Variants in FGF12 observed in about 807,000 individuals in gnomAD.
FGF12 encodes the protein fibroblast growth factor 12B.
Under a neutral mutation model 23.6 loss-of-function variants are expected in FGF12, and 14 were observed. The observed-to-expected ratio is 0.59, with a 90% CI of 0.39 to 0.93. FGF12 has a LOEUF of 0.93. Ranked by LOEUF, FGF12 falls within the 40% of genes least tolerant of loss-of-function variation. The probability of loss-of-function intolerance (pLI) is 0.00; values close to 1 mark genes in which losing one functional copy is unlikely to be tolerated. For synonymous variants in FGF12, 62 were observed against 77.3 expected (o/e 0.80, Z 1.04); for missense variants, 175 against 217.8 (o/e 0.80, Z 1.24).
chr3:192,279,710 A>G (rs768282012), intron 4 of FGF12, among the ~76,000 whole-genome samples: 40 of 152,298 alleles, frequency 2.6e-4, no homozygotes, highest in Non-Finnish European at 5.3e-4. Flanking sequence ...ACAATAAAAC[A>G]AAAGTTAAAA....
At chr3:192,325,490 TTCTC>T (rs147933643) in intron 4 of FGF12, among the ~76,000 whole-genome samples, 9 of 151,644 alleles carry the variant, frequency 5.9e-5, no homozygotes, top group Admixed American at 2.0e-4. Context: ...AGGTTCTTGT[TTCTC>T]TCTCTCTCTC....
chr3:192,407,312 A>C (rs547111847), intron 2 of FGF12, among the ~76,000 whole-genome samples: 24 of 152,332 alleles, frequency 1.6e-4, no homozygotes, highest in African/African-American at 5.1e-4. Flanking sequence ...ATGTCTCAAA[A>C]GTGTGAGTGT....
intron 2 of FGF12, among the ~76,000 whole-genome samples, chr3:192,388,243 A>G (rs2177815): frequency 0.56 from 85,688 of 151,964 alleles, 25,385 homozygotes; most frequent in African/African-American, 0.76. Context: ...CAGCCTGGGC[A>G]ACAAAGCAAG....
At chr3:192,404,824 G>C (rs1720898625) in intron 2 of FGF12, among the ~76,000 whole-genome samples, 1 of 152,078 alleles carries the variant, frequency 6.6e-6, no homozygotes, top group Non-Finnish European at 1.5e-5. Context: ...GCTATACGGT[G>C]GTCATTGCTG....
intron 3 of FGF12, among the ~76,000 whole-genome samples, chr3:192,359,662 C>T (rs1718630795): frequency 6.6e-6 from 1 of 152,098 alleles, no homozygotes; most frequent in East Asian, 1.9e-4. Flanking sequence ...TTTTTCTAGA[C>T]TGCAAATTCA....
chr3:192,170,036 A>G (rs1330483497), intron 5 of FGF12, among the ~76,000 whole-genome samples: 2 of 146,400 alleles, frequency 1.4e-5, no homozygotes, highest in Admixed American at 7.0e-5. Context: ...GAAACTGCAT[A>G]CTAGATAGTA....
At chr3:192,193,468 C>A (rs1158025272) in intron 4 of FGF12, among the ~76,000 whole-genome samples, 1 of 152,174 alleles carries the variant, frequency 6.6e-6, no homozygotes, top group Non-Finnish European at 1.5e-5. Flanking sequence ...ATCCAAGTTT[C>A]TTTTCCTTTT....
intron 4 of FGF12, among the ~76,000 whole-genome samples, chr3:192,319,430 C>T (rs541279078): frequency 2.0e-5 from 3 of 152,088 alleles, no homozygotes; most frequent in South Asian, 4.1e-4. Context: ...AACTTCGCCT[C>T]TACTAAAAAT....
chr3:192,446,263 T>C (rs1576987432), intron 2 of FGF12, among the ~76,000 whole-genome samples: 1 of 152,228 alleles, frequency 6.6e-6, no homozygotes, highest in African/African-American at 2.4e-5. Context: ...CTAAACTATA[T>C]GGCTGTATAC....
At chr3:192,314,992 G>C (rs1245310862) in intron 4 of FGF12, among the ~76,000 whole-genome samples, 1 of 152,176 alleles carries the variant, frequency 6.6e-6, no homozygotes, top group East Asian at 1.9e-4. Context: ...CCAGGACATA[G>C]AGTTACCCCA....
At chr3:192,313,602 A>G (rs913616221) in intron 4 of FGF12, among the ~76,000 whole-genome samples, 2 of 152,220 alleles carry the variant, frequency 1.3e-5, no homozygotes, top group African/African-American at 4.8e-5. Flanking sequence ...GTTCTAATTT[A>G]TTTAGACCTG....
intron 3 of FGF12, among the ~76,000 whole-genome samples, chr3:192,349,504 G>A (rs1718111218): frequency 6.6e-6 from 1 of 151,862 alleles, no homozygotes; most frequent in South Asian, 2.1e-4. Context: ...GCCCTTAGAT[G>A]AATAATAAAA....
intron 2 of FGF12, among the ~76,000 whole-genome samples, chr3:192,695,434 C>A (rs563985562): frequency 3.3e-5 from 5 of 152,146 alleles, no homozygotes; most frequent in African/African-American, 1.2e-4. Flanking sequence ...TTTGCATGTA[C>A]ATATACGTGA....
intron 4 of FGF12, among the ~76,000 whole-genome samples, chr3:192,183,077 A>G (rs1383532770): frequency 2.0e-5 from 3 of 152,220 alleles, no homozygotes; most frequent in African/African-American, 7.2e-5. Context: ...ATAATGGTCA[A>G]TGAAGGAGAA....
intron 2 of FGF12, among the ~76,000 whole-genome samples, chr3:192,658,695 G>C (rs1370762346): frequency 7.2e-6 from 1 of 138,392 alleles, no homozygotes; most frequent in Non-Finnish European, 1.6e-5. Flanking sequence ...TATTTGTCCA[G>C]TGCAATAATT....
rs140372193 is a variant in FGF12 at position 192,336,575 on chromosome 3, G to A, written c.125-1111C>T. Among the ~76,000 whole-genome samples the A allele has an allele frequency of 1.5e-3, 228 of 152,186 alleles. No individual in the cohort carries two copies. Among genetic ancestry groups the A allele is most frequent in the Non-Finnish European group, 2.8e-3 (192 of 67,998 alleles). ...CATGGAGATGAATTAAGTATCTCAC[G>A]GCTGTATGCATAAGAGAATATCTCT... is the stretch of plus-strand genomic sequence containing the variant. On this transcript the variant is annotated intron_variant, in intron 3 of 5. Transcript: ENST00000445105. This position sits in a 1 kb window ranked among gnomAD's most constrained non-coding sequence, Gnocchi z 4.3.
intron 4 of FGF12, among the ~76,000 whole-genome samples, chr3:192,242,986 C>T (rs1336934040): frequency 1.3e-5 from 2 of 151,902 alleles, no homozygotes; most frequent in African/African-American, 4.8e-5. Flanking sequence ...TTTATGTATA[C>T]AAATAACCTC....
intron 2 of FGF12, among the ~76,000 whole-genome samples, chr3:192,512,248 GA>G (rs938115912): frequency 4.6e-5 from 7 of 151,558 alleles, no homozygotes; most frequent in African/African-American, 1.2e-4. Context: ...TTTGCTCTGT[GA>G]AAAAAAATGT....
chr3:192,723,455 C>G (rs936664232), intron 2 of FGF12, among the ~76,000 whole-genome samples: 1 of 152,122 alleles, frequency 6.6e-6, no homozygotes, highest in African/African-American at 2.4e-5. Context: ...ACCAGTGCTT[C>G]TTAAATGTTA....
Sources: allele counts gnomAD v4.1 joint callset (sites outside exome capture counted in the v4.1 genomes callset), GRCh38; gene constraint gnomAD v4.1.1; non-coding constraint Gnocchi (gnomAD v3.1); transcripts MANE v1.5; gene names NCBI Gene and HGNC (gene_info 2026-07-23, HGNC 2026-07-21).